CTNNA3: variants seen among roughly 807,000 people sequenced by gnomAD.
CTNNA3 encodes catenin alpha-3.
CTNNA3 carries 76 observed loss-of-function variants against 95.7 expected under a neutral mutation model. The observed-to-expected ratio is 0.79, with a 90% CI of 0.66 to 0.96. CTNNA3 has a LOEUF of 0.96. CTNNA3 is among the 40% of genes least tolerant of loss of function. CTNNA3 has a pLI of 0.00. For missense variants in CTNNA3, 1,191 were observed against 1,089.8 expected (o/e 1.09, Z -1.31); for synonymous variants, 431 against 374.4 (o/e 1.15, Z -1.74).
intron 2 of CTNNA3, among the ~76,000 whole-genome samples, chr10:67,640,452 G>A (rs1432720086): frequency 6.6e-6 from 1 of 152,154 alleles, no homozygotes; most frequent in African/African-American, 2.4e-5. Context: ...TATATTCAAT[G>A]CCATCCCCAT....
At chr10:66,991,939 A>T (rs565676185) in intron 7 of CTNNA3, among the ~76,000 whole-genome samples, 1 of 152,160 alleles carries the variant, frequency 6.6e-6, no homozygotes, top group Non-Finnish European at 1.5e-5. Context: ...ATTAACCTTC[A>T]TACCTCCCCT....
At chr10:66,681,621 C>A (rs553663954) in intron 9 of CTNNA3, among the ~76,000 whole-genome samples, 2 of 152,210 alleles carry the variant, frequency 1.3e-5, no homozygotes, top group African/African-American at 4.8e-5. Flanking sequence ...AGGACTTTTA[C>A]CATATTAGCT....
At chr10:67,751,064 C>T in intron 1 of CTNNA3, 1 of 1,484,988 alleles carries the variant, frequency 6.7e-7, no homozygotes, top group South Asian at 1.1e-5. Context: ...TGACTGTGAT[C>T]CCCAAGTCTG....
At chr10:67,654,951 A>G (rs1472817568) in intron 1 of CTNNA3, among the ~76,000 whole-genome samples, 1 of 152,238 alleles carries the variant, frequency 6.6e-6, no homozygotes, top group Non-Finnish European at 1.5e-5. Flanking sequence ...AAGGTTAAAT[A>G]GTCGAAAACA....
At chr10:66,994,934 C>A (rs1851246551) in intron 7 of CTNNA3, among the ~76,000 whole-genome samples, 2 of 152,138 alleles carry the variant, frequency 1.3e-5, no homozygotes, top group Admixed American at 6.6e-5. Flanking sequence ...TCAGCTAATA[C>A]CACAACACAC....
At chr10:66,980,538 C>T (rs942778) in intron 7 of CTNNA3, among the ~76,000 whole-genome samples, 108,487 of 137,594 alleles carry the variant, frequency 0.79, 41,513 homozygotes, top group East Asian at 0.99. Flanking sequence ...CAGAATTGAA[C>T]AGGAACCAAA....
At chr10:66,309,906 A>AAAAT (rs140451350) in intron 12 of CTNNA3, among the ~76,000 whole-genome samples, 7,144 of 135,728 alleles carry the variant, frequency 0.053, 203 homozygotes, top group Middle Eastern at 0.086. Context: ...AAAGATACAA[A>AAAAT]AAATAAATAA....
chr10:67,527,199 G>A (rs1231905613), intron 4 of CTNNA3, among the ~76,000 whole-genome samples: 1 of 152,140 alleles, frequency 6.6e-6, no homozygotes. Flanking sequence ...AGACGTTGCA[G>A]TGAGCCGAGA....
At chr10:67,545,223 G>A (rs982085234) in intron 3 of CTNNA3, among the ~76,000 whole-genome samples, 9 of 152,204 alleles carry the variant, frequency 5.9e-5, no homozygotes, top group African/African-American at 1.9e-4. Context: ...AAAAGTAATA[G>A]AAACATCTCC....
chr10:65,941,435 A>C (rs2077428395), intron 17 of CTNNA3, among the ~76,000 whole-genome samples: 1 of 152,228 alleles, frequency 6.6e-6, no homozygotes, highest in Non-Finnish European at 1.5e-5. Context: ...TGGAATAAGA[A>C]AATGCGTTCA....
intron 13 of CTNNA3, among the ~76,000 whole-genome samples, chr10:66,227,830 A>G (rs1185996088): frequency 6.6e-6 from 1 of 151,924 alleles, no homozygotes; most frequent in Non-Finnish European, 1.5e-5. Flanking sequence ...GAGATTTTTT[A>G]TTTCTGATTT....
At chr10:66,481,865 A>C (rs1274373701) in intron 11 of CTNNA3, among the ~76,000 whole-genome samples, 3 of 152,158 alleles carry the variant, frequency 2.0e-5, no homozygotes, top group Non-Finnish European at 4.4e-5. Context: ...ACGTTGGTCC[A>C]TTTTGATTTT....
At chr10:67,341,165 T>C (rs1842171515) in intron 5 of CTNNA3, among the ~76,000 whole-genome samples, 1 of 152,220 alleles carries the variant, frequency 6.6e-6, no homozygotes, top group African/African-American at 2.4e-5. Context: ...GTATCAATTG[T>C]CTCAAGCATT....
chr10:67,645,436 T>C (rs946260667), intron 2 of CTNNA3, among the ~76,000 whole-genome samples: 3 of 152,088 alleles, frequency 2.0e-5, no homozygotes, highest in Non-Finnish European at 2.9e-5. Flanking sequence ...ATAGAGCAAA[T>C]AAGGGTTATA....
chr10:67,442,822 T>C (rs1003310119), intron 5 of CTNNA3, among the ~76,000 whole-genome samples: 3 of 151,838 alleles, frequency 2.0e-5, no homozygotes, highest in African/African-American at 4.8e-5. Flanking sequence ...TACTTTAAGT[T>C]TTAGGGTACA....
In CTNNA3 at chr10:67,481,859, T is replaced by A. The variant is rs527815586; in HGVS notation, c.579+39983A>T. ...CCTGAATGGTAATGCCTAGGTTTTC[T>A]TCTAGGGTTTTTATGGTTTTAGGTC... On this transcript the variant is annotated intron_variant, in intron 5 of 17. Transcript: ENST00000433211. 6.3e-4 allele frequency among the ~76,000 whole-genome samples: 96 copies of A among 152,242 alleles called. 3 individuals carry two copies. The South Asian group carries it at 0.011, about 17-fold the overall frequency.
intron 9 of CTNNA3, among the ~76,000 whole-genome samples, chr10:66,687,577 A>C (rs561210674): frequency 1.3e-5 from 2 of 152,270 alleles, no homozygotes; most frequent in African/African-American, 4.8e-5. Flanking sequence ...GATGAATTAC[A>C]AACAGGTGAT....
chr10:66,707,750 A>G (rs1342901455), intron 9 of CTNNA3, among the ~76,000 whole-genome samples: 29 of 152,098 alleles, frequency 1.9e-4, no homozygotes, highest in Admixed American at 1.9e-3. Flanking sequence ...CCTATTTCAA[A>G]ACCATATTTC....
intron 14 of CTNNA3, among the ~76,000 whole-genome samples, chr10:66,089,330 T>C (rs2081121823): frequency 1.3e-5 from 2 of 151,188 alleles, no homozygotes; most frequent in Admixed American, 6.6e-5. Context: ...AACCCAAACC[T>C]CTCCTCTCTT....
Sources: allele counts gnomAD v4.1 joint callset (sites outside exome capture counted in the v4.1 genomes callset), GRCh38; gene constraint gnomAD v4.1.1; transcripts MANE v1.5; gene names NCBI Gene and HGNC (gene_info 2026-07-23, HGNC 2026-07-21).